Variants in BIRC6 observed in about 807,000 individuals in gnomAD.
The protein encoded by BIRC6 is dual E2 ubiquitin-conjugating enzyme/E3 ubiquitin-protein ligase BIRC6.
Under a neutral mutation model 503.3 loss-of-function variants are expected in BIRC6, and 98 were observed. The observed-to-expected ratio is 0.19, with a 90% CI of 0.17 to 0.23. The LOEUF (loss-of-function observed/expected upper bound fraction) is 0.23, where lower values mean the gene tolerates loss of function less well. BIRC6 is among the 10% of genes least tolerant of loss of function. The pLI, the probability that BIRC6 is intolerant of heterozygous loss-of-function variation, is 1.00. For synonymous variants in BIRC6, 2,240 were observed against 2,078.7 expected, an observed-to-expected ratio of 1.08 and a Z score of -2.11; for missense variants, 5,360 against 5,806.0, an observed-to-expected ratio of 0.92 and a Z score of 2.50.
chr2:32,549,100 A>G (rs1302387948), intron 64 of BIRC6: 1 of 361,988 alleles, frequency 2.8e-6, no homozygotes, highest in African/African-American at 2.1e-5. Context: ...GTCTAGTCAT[A>G]TGTAGTGTAC....
At chr2:32,426,549 A>G (rs773970208) in intron 10 of BIRC6, among the ~76,000 whole-genome samples, 3 of 152,278 alleles carry the variant, frequency 2.0e-5, no homozygotes, top group Non-Finnish European at 4.4e-5. Context: ...GGTTGCAGTG[A>G]GCTGAGATCA....
intron 33 of BIRC6, among the ~76,000 whole-genome samples, chr2:32,473,647 C>T (rs1478256674): frequency 2.0e-5 from 3 of 151,258 alleles, no homozygotes; most frequent in Non-Finnish European, 2.9e-5. Context: ...TTCTGCCCCT[C>T]TATCTAGCTT....
Position 32,399,548 on chromosome 2 carries a change from C to T in BIRC6, c.1035-1615C>T, listed in dbSNP as rs765640040. Among the ~76,000 whole-genome samples, 4 of 152,270 alleles carry T rather than the reference C, an allele frequency of 2.6e-5. No homozygotes were observed. The East Asian group carries it at 5.8e-4, about 22-fold the overall frequency. ...ACTGGGACTATATGCTTTACCATCA[C>T]GCCTGGCTCATGGGTTCTTGTTTTG... On this transcript the variant is annotated intron_variant, in intron 6 of 73. Coordinates refer to ENST00000421745, the MANE Select transcript of BIRC6 (RefSeq NM_016252.4).
chr2:32,366,242 T>C (rs144346461), intron 1 of BIRC6, among the ~76,000 whole-genome samples: 3 of 152,246 alleles, frequency 2.0e-5, no homozygotes, highest in African/African-American at 7.2e-5. Flanking sequence ...TTTTGGGCTT[T>C]CTTTCCCTGC....
chr2:32,405,584 A>G (rs576400150), intron 8 of BIRC6, among the ~76,000 whole-genome samples: 8 of 152,198 alleles, frequency 5.3e-5, no homozygotes, highest in African/African-American at 1.9e-4. Flanking sequence ...AGGCGGGAGG[A>G]TCACAAGGTC....
chr2:32,447,338 A>G (rs1248138733), intron 21 of BIRC6, among the ~76,000 whole-genome samples: 30 of 138,242 alleles, frequency 2.2e-4, no homozygotes, highest in East Asian at 1.8e-3. Flanking sequence ...GCCGGGCAGA[A>G]GCGCCCCTCA....
Position 32,482,596 on chromosome 2 carries a change from TA to T in BIRC6, c.7696+15del, listed in dbSNP as rs1412072403. 1 of 1,613,074 alleles carries T rather than the reference TA, an allele frequency of 6.2e-7. No individual in the cohort carries two copies. Among genetic ancestry groups the T allele is most frequent in the Non-Finnish European group, 8.5e-7 (1 of 1,179,376 alleles). Reference sequence around the variant, plus strand: ...CAGTCTCTCAGGGTAAGTGTATGTTTATATTTTAAGACATATGCTATTCTTA... The same window carrying T: ...CAGTCTCTCAGGGTAAGTGTATGTTTTATTTTAAGACATATGCTATTCTTA... On this transcript the variant is annotated intron_variant, in intron 39 of 73. Transcript: ENST00000421745.
At chr2:32,452,743 A>C (rs2046853690) in intron 22 of BIRC6, among the ~76,000 whole-genome samples, 1 of 152,022 alleles carries the variant, frequency 6.6e-6, no homozygotes, top group Non-Finnish European at 1.5e-5. Context: ...TCTTAAGTAA[A>C]ACCTTGCAGC....
At chr2:32,419,513 A>G (rs1345378804) in intron 10 of BIRC6, among the ~76,000 whole-genome samples, 1 of 152,206 alleles carries the variant, frequency 6.6e-6, no homozygotes, top group African/African-American at 2.4e-5. Flanking sequence ...ATAAATTGGT[A>G]TTCTGCTTGG....
intron 65 of BIRC6, among the ~76,000 whole-genome samples, chr2:32,572,720 A>C (rs1373039102): frequency 2.6e-5 from 4 of 152,162 alleles, no homozygotes; most frequent in Non-Finnish European, 5.9e-5. Flanking sequence ...GGGCTTTCAT[A>C]CTCAAGTATA....
In BIRC6 at chr2:32,494,313, C is replaced by T. The variant is rs188677133; in HGVS notation, c.8468+646C>T. On this transcript the variant is annotated intron_variant, in intron 45 of 73. Transcript: ENST00000421745. ...TGCAGTCTTGGCTCACTGCAACCTC[C>T]GCCTCCTGGGTTGAAGCGATTCTCA... Among the ~76,000 whole-genome samples the T allele has an allele frequency of 8.6e-3, 1,303 of 151,950 alleles. 9 individuals carry two copies. The highest frequency in any genetic ancestry group is 0.014 in the Non-Finnish European group (978 of 67,958).
At chr2:32,544,493 T>TC (rs1382373306) in intron 62 of BIRC6, among the ~76,000 whole-genome samples, 1 of 147,430 alleles carries the variant, frequency 6.8e-6, no homozygotes, top group Admixed American at 6.7e-5. Flanking sequence ...TTCTTCTTCT[T>TC]TTTTTTTTTT....
rs2053642217 is a variant in BIRC6, at chr2:32,505,002, T to C, written c.9500-3T>C. On this transcript the variant is annotated splice_polypyrimidine_tract_variant and splice_region_variant and intron_variant, in intron 49 of 73. Coordinates refer to ENST00000421745, the MANE Select transcript of BIRC6 (RefSeq NM_016252.4). ...TATAATTTATGTAAAATATCTTCTC[T>C]AGGTACAATCACATCTAGCAGTCCT... 1.2e-6 allele frequency: 2 copies of C among 1,611,138 alleles called. No homozygotes were observed. Among genetic ancestry groups the C allele is most frequent in the South Asian group, 1.1e-5 (1 of 90,694 alleles).
chr2:32,375,072 T>C (rs1046938983), intron 1 of BIRC6, among the ~76,000 whole-genome samples: 1 of 152,204 alleles, frequency 6.6e-6, no homozygotes, highest in Non-Finnish European at 1.5e-5. Flanking sequence ...CTTTTGTGTA[T>C]ATGTATGTCT....
At chr2:32,491,897 A>T (rs1391766949) in intron 44 of BIRC6, among the ~76,000 whole-genome samples, 2 of 152,114 alleles carry the variant, frequency 1.3e-5, no homozygotes, top group Non-Finnish European at 2.9e-5. Context: ...GTCATATTTG[A>T]TTACTTCTAC....
intron 1 of BIRC6, among the ~76,000 whole-genome samples, chr2:32,364,407 T>C (rs1202301162): frequency 6.6e-6 from 1 of 151,924 alleles, no homozygotes; most frequent in African/African-American, 2.4e-5. Flanking sequence ...GCCTGGCTAA[T>C]TTTTTTTCTA....
chr2:32,609,470 T>C (rs940320156), intron 72 of BIRC6, among the ~76,000 whole-genome samples: 2 of 152,194 alleles, frequency 1.3e-5, no homozygotes, highest in African/African-American at 4.8e-5. Context: ...CATTAATTTC[T>C]TAAATTGTGC....
At chr2:32,448,502 C>G (rs2046331010) in intron 21 of BIRC6, among the ~76,000 whole-genome samples, 1 of 152,170 alleles carries the variant, frequency 6.6e-6, no homozygotes, top group African/African-American at 2.4e-5. Context: ...AAACCGAAAA[C>G]CAGTCAGGCG....
intron 9 of BIRC6, among the ~76,000 whole-genome samples, chr2:32,412,077 G>A (rs978706643): frequency 2.0e-5 from 3 of 151,970 alleles, no homozygotes; most frequent in Non-Finnish European, 4.4e-5. Context: ...GCACCACAAC[G>A]CCTGGCTTTG....
Sources: gnomAD v4.1 joint callset for allele counts (sites outside exome capture counted in the v4.1 genomes callset) on GRCh38, gnomAD v4.1.1 for gene constraint, MANE v1.5 for transcripts, NCBI Gene and HGNC (gene_info 2026-07-23, HGNC 2026-07-21) for gene names.